Variants in SARM1 observed in about 807,000 individuals in gnomAD.
SARM1 encodes the protein NAD(+) hydrolase SARM1.
SARM1 carries 60 observed loss-of-function variants against 65.1 expected under a neutral mutation model. The ratio of observed to expected loss-of-function variants is 0.92; its 90% CI spans 0.75 to 1.14. The LOEUF (loss-of-function observed/expected upper bound fraction) is 1.14. Ranked by LOEUF, SARM1 falls within the 50% of genes most tolerant of loss-of-function variation. The probability of loss-of-function intolerance (pLI) is 0.00; values close to 1 mark genes in which losing one functional copy is unlikely to be tolerated. For synonymous variants in SARM1, 417 were observed against 465.4 expected (o/e 0.90, Z 1.34); for missense variants, 913 against 1,015.7 (o/e 0.90, Z 1.37).
In SARM1 at chr17:28,381,229, G is replaced by A; in HGVS notation, c.497G>A (p.Gly166Asp). 6.2e-7 allele frequency: 1 copy of A among 1,610,092 alleles called. No individual in the cohort carries two copies. Among genetic ancestry groups the A allele is most frequent in the Non-Finnish European group, 8.5e-7 (1 of 1,178,178 alleles). ...NRDRVARIGL[G>D]VILNLAKERE... ...GACCGCGTGGCGCGCATTGGGCTGG[G>A]CGTGATCCTGAACCTGGCGAAGGAA... The change falls in exon 2 of 9, where the codon GGC (glycine) becomes GAC (aspartate). Residue 166 changes from glycine to aspartate, a missense_variant. Coordinates refer to ENST00000585482, the MANE Select transcript of SARM1 (RefSeq NM_015077.4).
At position 28,372,782 on chromosome 17, in the gene SARM1, A is replaced by G. The variant is rs1597814114; in HGVS notation, c.470+280A>G. The stretch of plus-strand genomic sequence containing the variant: ...AGGACAGGAGTCCGTCCCTGGCTCT[A>G]TGGATGGAGATGGCATCCTATTGCC... On this transcript the variant is annotated intron_variant, in intron 1 of 8. Transcript: ENST00000585482. The surrounding 1 kb of genome is among the most constrained non-coding windows in gnomAD (Gnocchi z 5.2). 6.6e-6 allele frequency among the ~76,000 whole-genome samples: 1 copy of G among 152,144 alleles called. No homozygotes were observed. The highest frequency in any genetic ancestry group is 2.4e-5 in the African/African-American group (1 of 41,430).
chr17:28,379,848 C>T (rs983816498), intron 1 of SARM1, among the ~76,000 whole-genome samples: 6 of 152,110 alleles, frequency 3.9e-5, no homozygotes, highest in Non-Finnish European at 7.3e-5. Context: ...TTTCAGGTAG[C>T]GATAGCTATT....
At chr17:28,383,402 A>G (rs1266847671) in intron 2 of SARM1, among the ~76,000 whole-genome samples, 1 of 152,178 alleles carries the variant, frequency 6.6e-6, no homozygotes, top group Non-Finnish European at 1.5e-5. Context: ...GGAGACTGCT[A>G]TGTTAGGGGG....
intron 2 of SARM1, 73 bp downstream of exon 2, chr17:28,381,894 A>T: frequency 7.3e-7 from 1 of 1,372,972 alleles, no homozygotes; most frequent in Non-Finnish European, 9.4e-7. Flanking sequence ...AGGAAGTCAC[A>T]TTCAACCGGG....
chr17:28,381,493 T>A lies in SARM1; in HGVS notation c.761T>A (p.Leu254His). The A allele has an allele frequency of 6.4e-7, 1 of 1,556,208 alleles. No homozygotes were observed. Among genetic ancestry groups the A allele is most frequent in the South Asian group, 1.2e-5 (1 of 84,416 alleles). ...GTAGAGAAGCGCGCAGCCGAGTGGCTCTTCCCGCTCGCCTTCTCCAAGGAG... is the reference window on the plus strand; with the variant it reads ...GTAGAGAAGCGCGCAGCCGAGTGGCACTTCCCGCTCGCCTTCTCCAAGGAG... ...RMVEKRAAEW[L>H]FPLAFSKEDE... Residue 254 changes from leucine (L) to histidine (H), a missense_variant, in exon 2 of 9, where the codon CTC becomes CAC. Around this residue, in one of 3 missense-constraint regions of SARM1, gnomAD observed 862 missense variants for 952.1 expected, o/e 0.91. Transcript: ENST00000585482.
At chr17:28,387,923 G>C (rs1358174540) in intron 5 of SARM1, 1 of 519,478 alleles carries the variant, frequency 1.9e-6, no homozygotes, top group Non-Finnish European at 3.5e-6. Flanking sequence ...GAGTTCCAGA[G>C]AGAGGTCAGG....
chr17:28,380,605 T>G (rs1555585083), intron 1 of SARM1, among the ~76,000 whole-genome samples: 2 of 152,292 alleles, frequency 1.3e-5, no homozygotes, highest in African/African-American at 4.8e-5. Context: ...TCAGGAAGCA[T>G]CTGTTGAATG....
At chr17:28,393,063 A>G (rs1347741546) in intron 7 of SARM1, among the ~76,000 whole-genome samples, 1 of 152,196 alleles carries the variant, frequency 6.6e-6, no homozygotes, top group Non-Finnish European at 1.5e-5. Flanking sequence ...ACTAGCAAAT[A>G]ATTCCTCAGA....
chr17:28,379,649 G>T (rs1487176237), intron 1 of SARM1, among the ~76,000 whole-genome samples: 1 of 152,058 alleles, frequency 6.6e-6, no homozygotes, highest in Non-Finnish European at 1.5e-5. Flanking sequence ...TAAGGTTTCT[G>T]GTCTATGGAA....
At chr17:28,395,434 T>G (rs915916338) in intron 7 of SARM1, 15 of 155,732 alleles carry the variant, frequency 9.6e-5, no homozygotes, top group Non-Finnish European at 2.0e-4. Context: ...TGTTTGGGGG[T>G]TTTTATGGAG....
At chr17:28,373,210 A>G (rs1275303787) in intron 1 of SARM1, 1 of 152,248 alleles carries the variant, frequency 6.6e-6, no homozygotes, top group Non-Finnish European at 1.5e-5. Flanking sequence ...CACCCCACTT[A>G]GCACCAAGAT....
chr17:28,377,692 G>A (rs1323077977), intron 1 of SARM1, among the ~76,000 whole-genome samples: 1 of 152,098 alleles, frequency 6.6e-6, no homozygotes, highest in Non-Finnish European at 1.5e-5. Context: ...AATGTCACCT[G>A]TGGAGGACAT....
At chr17:28,391,242 G>T (rs1938254403) in intron 7 of SARM1, among the ~76,000 whole-genome samples, 1 of 152,178 alleles carries the variant, frequency 6.6e-6, no homozygotes, top group Non-Finnish European at 1.5e-5. Flanking sequence ...TGATTGGCTG[G>T]TTGGGTTTTC....
intron 7 of SARM1, among the ~76,000 whole-genome samples, chr17:28,389,412 C>T (rs998907074): frequency 5.9e-5 from 9 of 152,120 alleles, no homozygotes; most frequent in African/African-American, 2.2e-4. Context: ...ATTGTATTTT[C>T]AGTGCCTGAC....
chr17:28,381,783 G>A lies in SARM1; in HGVS notation c.1051G>A (p.Ala351Thr). Residue 351 changes from alanine to threonine, a missense_variant, in exon 2 of 9, where the codon GCC (alanine) becomes ACC (threonine). Ala to Thr is a moderately conservative substitution (Grantham distance 58, BLOSUM62 0). Around this residue, in one of 3 missense-constraint regions of SARM1, gnomAD observed 862 missense variants for 952.1 expected, o/e 0.91. Coordinates refer to ENST00000585482, the MANE Select transcript of SARM1 (RefSeq NM_015077.4). ...AQCIGAFYLCAEAAIKSLQGK... is the reference protein window; with the variant it reads ...AQCIGAFYLCTEAAIKSLQGK... ...GTGCATCGGGGCTTTCTACCTCTGC[G>A]CCGAGGCTGCCATCAAGAGCCTGCA... 6.8e-7 allele frequency: 1 copy of A among 1,460,424 alleles called. No individual in the cohort carries two copies. Among genetic ancestry groups the A allele is most frequent in the African/African-American group, 1.4e-5 (1 of 69,408 alleles). The allele number at this position is 1,460,424 out of a possible 1,614,324, so 90.5% of individuals were successfully genotyped here.
At position 28,381,190 on chromosome 17, in the gene SARM1, T is replaced by C. The variant is rs2068021023; in HGVS notation, c.471-13T>C. ...CGGCAATTCCACTGTCCCCTTCCAC[T>C]TTCACTGGGCAGAGACCGCGTGGCG... On this transcript the variant is annotated splice_polypyrimidine_tract_variant and intron_variant, in intron 1 of 8. Coordinates refer to ENST00000585482, the MANE Select transcript of SARM1 (RefSeq NM_015077.4). 6.3e-7 allele frequency: 1 copy of C among 1,576,012 alleles called. No individual in the cohort carries two copies. Among genetic ancestry groups the C allele is most frequent in the Non-Finnish European group, 8.6e-7 (1 of 1,162,134 alleles).
At position 28,397,906 on chromosome 17, in the gene SARM1, T is replaced by C. The variant is rs1188162663; in HGVS notation, c.*1620T>C. On this transcript the variant is annotated 3_prime_UTR_variant, in exon 9 of 9. Coordinates refer to ENST00000585482, the MANE Select transcript of SARM1 (RefSeq NM_015077.4). ...CTGTGCTGGCCAGGTGACTCCTAGT[T>C]CTTGGCCACATCATCAGAAAGTCAA... 6.6e-6 allele frequency: 1 copy of C among 152,614 alleles called. No individual in the cohort carries two copies. Among genetic ancestry groups the C allele is most frequent in the Non-Finnish European group, 1.5e-5 (1 of 68,356 alleles). 9.5% of individuals were successfully genotyped at this position (152,614 alleles called of 1,614,324 possible). A position where few individuals can be genotyped will look rare whatever the true frequency, so the allele number is the denominator to read the frequency against.
At position 28,381,587 on chromosome 17, in the gene SARM1, CGA is replaced by C; in HGVS notation, c.857_858del (p.Glu286GlyfsTer51). 6.3e-7 allele frequency: 1 copy of C among 1,589,980 alleles called. No homozygotes were observed. Among genetic ancestry groups the C allele is most frequent in the Non-Finnish European group, 8.6e-7 (1 of 1,169,362 alleles). On this transcript the variant is annotated frameshift_variant, in exon 2 of 9. Transcript: ENST00000585482. LOFTEE classifies it high-confidence loss of function. ...TGGCGACTAACAAGGAGGTGGAGCG[CGA>C]GGTGGAGCGCTCGGGCACGCTGGCG... ...VLATNKEVER[E>X]VERSGTLALV...
chr17:28,400,426 C>G lies in SARM1; in HGVS notation c.*4140C>G. On this transcript the variant is annotated 3_prime_UTR_variant, in exon 9 of 9. Transcript: ENST00000585482. ...CCTTCCTCCACCTAGCTCGCCATCT[C>G]GCCCTTGGAAAATGGCTCCTGGAGG... is the stretch of plus-strand genomic sequence containing the variant. 1 of 696,080 alleles carries G rather than the reference C, an allele frequency of 1.4e-6. No homozygotes were observed. The highest frequency in any genetic ancestry group is 2.3e-6 in the Non-Finnish European group (1 of 426,756). The allele number at this position is 696,080 out of a possible 1,614,324, so 43.1% of individuals were successfully genotyped here.
Sources: gnomAD v4.1 joint callset for allele counts (sites outside exome capture counted in the v4.1 genomes callset) on GRCh38, gnomAD v4.1.1 for gene constraint, gnomAD v4.1.1 regional missense constraint, Gnocchi (gnomAD v3.1) non-coding constraint, MANE v1.5 for transcripts, NCBI Gene and HGNC (gene_info 2026-07-23, HGNC 2026-07-21) for gene names.